The following TEX9 variants were observed in gnomAD, a reference collection of about 807,000 sequenced individuals.
TEX9 encodes testis expressed 9, also known as testis-expressed protein 9.
TEX9 carries 74 observed loss-of-function variants against 59.6 expected under a neutral mutation model. The observed-to-expected ratio is 1.24, with a 90% CI of 1.03 to 1.51. TEX9 has a LOEUF of 1.51. Ranked by LOEUF, TEX9 falls within the 40% of genes most tolerant of loss-of-function variation. TEX9 has a pLI of 0.00. For synonymous variants in TEX9, 186 were observed against 152.2 expected (o/e 1.22, Z -1.64); for missense variants, 522 against 447.8 (o/e 1.17, Z -1.49).
chr15:56,437,147 CAG>C (rs2050740361), intron 12 of TEX9, among the ~76,000 whole-genome samples: 1 of 151,964 alleles, frequency 6.6e-6, no homozygotes, highest in Non-Finnish European at 1.5e-5. Flanking sequence ...GTCATCCTGA[CAG>C]AGACACCACA....
At chr15:56,445,982 T>C (rs1275893913), downstream of TEX9, 1 of 152,074 alleles carries the variant, frequency 6.6e-6, no homozygotes, top group African/African-American at 2.4e-5. Context: ...CCTAAAGGTA[T>C]TCCTGTTAAC....
chr15:56,363,119 G>A (rs1437266467), upstream of TEX9, among the ~76,000 whole-genome samples: 1 of 152,148 alleles, frequency 6.6e-6, no homozygotes, highest in Non-Finnish European at 1.5e-5. Context: ...CCTAGCAGTG[G>A]TTGCTGGATT....
chr15:56,376,718 T>C (rs1041948436), intron 3 of TEX9, among the ~76,000 whole-genome samples: 1 of 152,166 alleles, frequency 6.6e-6, no homozygotes, highest in South Asian at 2.1e-4. Context: ...CTCTTTACTT[T>C]ATTGTTTCCT....
chr15:56,441,612 A>G (rs1156573756), intron 12 of TEX9, among the ~76,000 whole-genome samples: 6 of 152,236 alleles, frequency 3.9e-5, no homozygotes, highest in Non-Finnish European at 7.3e-5. Flanking sequence ...TATCAACAGA[A>G]TAAACAGACA....
At chr15:56,312,769 A>G (rs2045655062) in intron 1 of TEX9, among the ~76,000 whole-genome samples, 1 of 113,456 alleles carries the variant, frequency 8.8e-6, no homozygotes, top group Admixed American at 9.2e-5. Context: ...GATTCTTCCT[A>G]CCCATGAGCA....
At chr15:56,358,019 G>C (rs548616178) in intron 1 of TEX9, among the ~76,000 whole-genome samples, 1 of 152,188 alleles carries the variant, frequency 6.6e-6, no homozygotes, top group South Asian at 2.1e-4. Context: ...GGCTTAACTA[G>C]AAATTTTTTC....
intron 10 of TEX9, among the ~76,000 whole-genome samples, chr15:56,420,964 A>G (rs1395912870): frequency 2.0e-5 from 3 of 151,802 alleles, no homozygotes; most frequent in African/African-American, 4.9e-5. Context: ...GGCCCAGAAT[A>G]TGGTTTAAAT....
chr15:56,365,187 T>A (rs1326687003), upstream of TEX9, among the ~76,000 whole-genome samples: 1 of 152,188 alleles, frequency 6.6e-6, no homozygotes, highest in Non-Finnish European at 1.5e-5. Context: ...CCTGCCTGTT[T>A]TGGCTGAAAC....
chr15:56,296,520 A>C (rs2045222460), intron 1 of TEX9, among the ~76,000 whole-genome samples: 2 of 152,216 alleles, frequency 1.3e-5, no homozygotes, highest in Non-Finnish European at 2.9e-5. Flanking sequence ...TTTAAAAAGA[A>C]TTATTAATGT....
At chr15:56,282,973 A>G (rs1228268130) in intron 1 of TEX9, among the ~76,000 whole-genome samples, 1 of 152,100 alleles carries the variant, frequency 6.6e-6, no homozygotes, top group Non-Finnish European at 1.5e-5. Flanking sequence ...GACTGAATGT[A>G]TAATATGATC....
chr15:56,323,081 G>A (rs1220080382), intron 1 of TEX9: 1 of 192,204 alleles, frequency 5.2e-6, no homozygotes, highest in East Asian at 1.3e-4. Flanking sequence ...GGTACTGGAT[G>A]ACTCTGCCTC....
chr15:56,305,152 T>G lies in TEX9; in HGVS notation c.-107+60874T>G, dbSNP rs543717168. On this transcript the variant is annotated intron_variant, in intron 1 of 5. Transcript: ENST00000560827. Reference sequence around the variant, plus strand: ...AGAAGACACAAAACATGGAAAAATATTCTATGTTCATGGATCGGAAGAGTT... The same window carrying G: ...AGAAGACACAAAACATGGAAAAATAGTCTATGTTCATGGATCGGAAGAGTT... Among the ~76,000 whole-genome samples, 9 of 152,282 alleles carry G rather than the reference T, an allele frequency of 5.9e-5. No individual in the cohort carries two copies. In the East Asian group the frequency reaches 1.2e-3, roughly 20 times the overall value.
intron 1 of TEX9, among the ~76,000 whole-genome samples, chr15:56,318,731 TCTTAA>T (rs1428071531): frequency 6.6e-6 from 1 of 152,158 alleles, no homozygotes; most frequent in African/African-American, 2.4e-5. Flanking sequence ...GCAGTTAACA[TCTTAA>T]CTTAAGCAAT....
At chr15:56,250,466 C>G (rs2043988640) in intron 1 of TEX9, among the ~76,000 whole-genome samples, 1 of 152,110 alleles carries the variant, frequency 6.6e-6, no homozygotes, top group Non-Finnish European at 1.5e-5. Context: ...ACAAGACACA[C>G]AGAAGACTGG....
intron 1 of TEX9, among the ~76,000 whole-genome samples, chr15:56,324,904 G>A (rs543435577): frequency 6.6e-6 from 1 of 152,286 alleles, no homozygotes; most frequent in South Asian, 2.1e-4. Context: ...ATGTGTAAGT[G>A]TGGCAGATTT....
chr15:56,360,993 A>C (rs1049229742), upstream of TEX9, among the ~76,000 whole-genome samples: 2 of 152,096 alleles, frequency 1.3e-5, no homozygotes, highest in Non-Finnish European at 2.9e-5. Context: ...TCCCCATGTA[A>C]CCCTGTATGG....
chr15:56,374,656 A>AT (rs1213482700), intron 3 of TEX9: 12 of 152,080 alleles, frequency 7.9e-5, no homozygotes, highest in East Asian at 3.9e-4. Context: ...CTGACTATAT[A>AT]TTTTTTTACC....
At chr15:56,339,348 A>G (rs1347465646) in intron 1 of TEX9, among the ~76,000 whole-genome samples, 1 of 131,298 alleles carries the variant, frequency 7.6e-6, no homozygotes, top group Non-Finnish European at 1.5e-5. Context: ...ACGCCACTGC[A>G]CTGCAGCCTG....
intron 9 of TEX9, among the ~76,000 whole-genome samples, chr15:56,403,282 C>T (rs548914116): frequency 2.6e-5 from 4 of 152,304 alleles, no homozygotes; most frequent in South Asian, 4.1e-4. Flanking sequence ...GGAACTTCAG[C>T]GAAGTCTCAG....
Sources: allele counts gnomAD v4.1 joint callset (sites outside exome capture counted in the v4.1 genomes callset), GRCh38; gene constraint gnomAD v4.1.1; transcripts MANE v1.5; gene names NCBI Gene and HGNC (gene_info 2026-07-23, HGNC 2026-07-21).